STARD13: variants seen among roughly 807,000 people sequenced by gnomAD.
STARD13 encodes the protein stAR-related lipid transfer protein 13.
Under a neutral mutation model 106.4 loss-of-function variants are expected in STARD13, and 62 were observed. The ratio of observed to expected loss-of-function variants is 0.58; its 90% CI spans 0.48 to 0.72. The LOEUF is 0.72. Among genes scored for constraint, STARD13 ranks in the 30% least tolerant of loss-of-function variants. STARD13 has a pLI of 0.00. For synonymous variants in STARD13, 565 were observed against 553.0 expected (o/e 1.02, Z -0.31); for missense variants, 1,387 against 1,424.0 (o/e 0.97, Z 0.42).
chr13:33,117,504 T>C (rs1875569437), intron 8 of STARD13: 1 of 542,262 alleles, frequency 1.8e-6, no homozygotes, highest in South Asian at 8.1e-5. Context: ...ATTTTAATTA[T>C]ACAGGCTTTG....
chr13:33,146,652 T>G (rs999499666), intron 3 of STARD13, among the ~76,000 whole-genome samples: 1 of 152,098 alleles, frequency 6.6e-6, no homozygotes. Flanking sequence ...AAAGGTTAAG[T>G]GAAAACCTCC....
intron 1 of STARD13, among the ~76,000 whole-genome samples, chr13:33,282,703 T>G (rs1891852507): frequency 6.6e-6 from 1 of 152,188 alleles, no homozygotes; most frequent in African/African-American, 2.4e-5. Context: ...TGTCATTAAT[T>G]TTATTTGCAC....
chr13:33,667,337 G>A, the STARD13 span, among the ~76,000 whole-genome samples: 1 of 152,082 alleles, frequency 6.6e-6, no homozygotes, highest in Admixed American at 6.5e-5. Flanking sequence ...ATGCCTATGT[G>A]GTTTTTATCT....
At chr13:33,343,448 G>A (rs1184764675) in intron 1 of STARD13, among the ~76,000 whole-genome samples, 1 of 150,728 alleles carries the variant, frequency 6.6e-6, no homozygotes, top group Non-Finnish European at 1.5e-5. Context: ...GAGTGGTGAC[G>A]CAAGCCTGTA....
At chr13:33,303,196 A>G (rs1287627364) in intron 1 of STARD13, among the ~76,000 whole-genome samples, 2 of 152,168 alleles carry the variant, frequency 1.3e-5, no homozygotes, top group African/African-American at 4.8e-5. Flanking sequence ...TTTCTGGCAT[A>G]GTCATTGGGC....
At chr13:33,559,977 G>C in the STARD13 span, among the ~76,000 whole-genome samples, 1 of 151,560 alleles carries the variant, frequency 6.6e-6, no homozygotes, top group Non-Finnish European at 1.5e-5. Flanking sequence ...CTTGATCTTG[G>C]ACTTCCCAGC....
chr13:33,521,033 C>A, the STARD13 span, among the ~76,000 whole-genome samples: 2 of 152,098 alleles, frequency 1.3e-5, no homozygotes, highest in Admixed American at 6.6e-5. Context: ...TACTCAGGAC[C>A]CATCACCTAC....
At chr13:33,305,709 A>C (rs973061799) in intron 1 of STARD13, among the ~76,000 whole-genome samples, 2 of 152,322 alleles carry the variant, frequency 1.3e-5, no homozygotes, top group East Asian at 3.9e-4. Context: ...CCAGTTTAAA[A>C]GTTGGCACAC....
the STARD13 span, among the ~76,000 whole-genome samples, chr13:33,435,368 T>G: frequency 6.6e-6 from 1 of 152,254 alleles, no homozygotes; most frequent in Non-Finnish European, 1.5e-5. Context: ...GGGAATAAGC[T>G]GATATATCTC....
At chr13:33,575,678 A>T in the STARD13 span, among the ~76,000 whole-genome samples, 2 of 152,134 alleles carry the variant, frequency 1.3e-5, no homozygotes, top group Non-Finnish European at 2.9e-5. Context: ...TAAAGCCAGG[A>T]CGCCACTCAG....
intron 2 of STARD13, 138 bp downstream of exon 2, chr13:33,167,413 C>T (rs1183164088): frequency 2.6e-6 from 2 of 774,146 alleles, no homozygotes; most frequent in African/African-American, 1.8e-5. Flanking sequence ...CTGGGCATAG[C>T]AAAAAGGCCG....
chr13:33,189,434 CGGAGGAAGGAGGGAAAGCA>C (rs976623009), intron 1 of STARD13, among the ~76,000 whole-genome samples: 3 of 19,326 alleles, frequency 1.6e-4, no homozygotes, highest in Non-Finnish European at 3.1e-4. Context: ...TTCCTCCTTT[CGGAGGAAGGAGGGAAAGCA>C]GGAGGAAAGG....
intron 1 of STARD13, among the ~76,000 whole-genome samples, chr13:33,350,075 G>A (rs1397530758): frequency 6.6e-6 from 1 of 152,128 alleles, no homozygotes; most frequent in Non-Finnish European, 1.5e-5. Context: ...CAGCGCGCGC[G>A]TCCGGCACGG....
intron 1 of STARD13, among the ~76,000 whole-genome samples, chr13:33,232,891 A>G (rs958106476): frequency 1.3e-5 from 2 of 152,090 alleles, no homozygotes; most frequent in Non-Finnish European, 2.9e-5. Flanking sequence ...AAACCTCCCA[A>G]TTTTAGTCCA....
chr13:33,610,799 C>T, the STARD13 span, among the ~76,000 whole-genome samples: 1 of 152,222 alleles, frequency 6.6e-6, no homozygotes, highest in South Asian at 2.1e-4. Flanking sequence ...TCAGCACGCC[C>T]AGCCCACCGC....
the STARD13 span, among the ~76,000 whole-genome samples, chr13:33,383,384 A>T: frequency 6.6e-6 from 1 of 152,114 alleles, no homozygotes; most frequent in Non-Finnish European, 1.5e-5. Flanking sequence ...GTGTCAAAAA[A>T]AAAGGTCTGG....
At chr13:33,419,272 A>G in the STARD13 span, among the ~76,000 whole-genome samples, 1 of 152,226 alleles carries the variant, frequency 6.6e-6, no homozygotes, top group African/African-American at 2.4e-5. Context: ...AAGACCTTAA[A>G]TGACCTGATG....
intron 1 of STARD13, among the ~76,000 whole-genome samples, chr13:33,182,435 A>T (rs752105448): frequency 6.6e-6 from 1 of 152,206 alleles, no homozygotes; most frequent in Non-Finnish European, 1.5e-5. Context: ...TGACTCAAAT[A>T]TATTTCTTAA....
chr13:33,662,436 G>C, the STARD13 span, among the ~76,000 whole-genome samples: 1 of 152,132 alleles, frequency 6.6e-6, no homozygotes, highest in Non-Finnish European at 1.5e-5. Flanking sequence ...GTAATGGAAA[G>C]GCCACCGGAA....
Sources: allele counts gnomAD v4.1 joint callset (sites outside exome capture counted in the v4.1 genomes callset), GRCh38; gene constraint gnomAD v4.1.1; transcripts MANE v1.5; gene names NCBI Gene and HGNC (gene_info 2026-07-23, HGNC 2026-07-21).